Variants in RASGEF1C observed in about 807,000 individuals in gnomAD.
The protein encoded by RASGEF1C is RasGEF domain family member 1C.
Under a neutral mutation model 58.1 loss-of-function variants are expected in RASGEF1C, and 27 were observed. That is an observed-to-expected ratio of 0.46 (90% CI 0.34 to 0.64). RASGEF1C has a LOEUF of 0.64. RASGEF1C is among the 30% of genes least tolerant of loss of function. The pLI is 0.01. For synonymous variants in RASGEF1C, 243 were observed against 246.3 expected (o/e 0.99, Z 0.13); for missense variants, 502 against 605.1 (o/e 0.83, Z 1.79).
In RASGEF1C at chr5:180,181,723, C is replaced by T. The variant is rs1021632745; in HGVS notation, c.-7+27305G>A. 4.6e-5 allele frequency among the ~76,000 whole-genome samples: 7 copies of T among 152,332 alleles called. No homozygotes were observed. The South Asian group carries it at 8.3e-4, about 18-fold the overall frequency. On this transcript the variant is annotated intron_variant, in intron 1 of 13. Coordinates refer to ENST00000361132, the MANE Select transcript of RASGEF1C (RefSeq NM_175062.4). ...ATCCAGAACTCCAAATGAGAGAACA[C>T]ATTTCCGTTGTTTTAAGCCATCCCA...
At position 180,186,101 on chromosome 5, in the gene RASGEF1C, G is replaced by GAAAAAAAAAAA. The variant is rs35778456; in HGVS notation, c.-7+22916_-7+22926dup. ...GACAGAGCCAGGCCCTATCTCCACA[G>GAAAAAAAAAAA]AAAAAAAAAAAAAAAAAAAAAAGAC... On this transcript the variant is annotated intron_variant, in intron 1 of 13. Transcript: ENST00000361132. 4.9e-5 allele frequency among the ~76,000 whole-genome samples: 4 copies of GAAAAAAAAAAA among 81,140 alleles called. 1 individual carries two copies. 53.2% of individuals were successfully genotyped at this position (81,140 alleles called of 152,430 possible).
Position 180,143,285 on chromosome 5 carries a change from G to A in RASGEF1C, c.-6-5227C>T, listed in dbSNP as rs1389952735. 1.3e-5 allele frequency among the ~76,000 whole-genome samples: 2 copies of A among 152,212 alleles called. No homozygotes were observed. The highest frequency in any genetic ancestry group is 2.9e-5 in the Non-Finnish European group (2 of 68,036). On this transcript the variant is annotated intron_variant, in intron 1 of 13. Transcript: ENST00000361132. The surrounding 1 kb of genome is among the most constrained non-coding windows in gnomAD (Gnocchi z 4.3). Reference sequence around the variant, plus strand: ...CTCAGGGCCCACCCTGCTCCAGGCCGCTGGCGCTGGCAAAGTTTCTGGGAC... The same window carrying A: ...CTCAGGGCCCACCCTGCTCCAGGCCACTGGCGCTGGCAAAGTTTCTGGGAC...
intron 1 of RASGEF1C, among the ~76,000 whole-genome samples, chr5:180,150,472 A>T (rs868291053): frequency 1.5e-4 from 23 of 152,140 alleles, no homozygotes; most frequent in Middle Eastern, 3.4e-3. Context: ...AAAACTGGAC[A>T]TTTGACTCTT....
intron 1 of RASGEF1C, among the ~76,000 whole-genome samples, chr5:180,145,427 A>G (rs1766649178): frequency 2.0e-5 from 3 of 152,192 alleles, no homozygotes; most frequent in African/African-American, 7.2e-5. Context: ...GGCCCGCTGC[A>G]CCATTTAAAA....
At chr5:180,120,746 C>T (rs1226113587) in intron 7 of RASGEF1C, among the ~76,000 whole-genome samples, 1 of 152,190 alleles carries the variant, frequency 6.6e-6, no homozygotes, top group Non-Finnish European at 1.5e-5. Flanking sequence ...GCCAGGCTGC[C>T]CAAGGCAGGC....
intron 1 of RASGEF1C, among the ~76,000 whole-genome samples, chr5:180,149,088 C>CTTTTTTTTTTTTTTTTTTTTTTTT (rs61204210): frequency 3.6e-5 from 4 of 110,174 alleles, no homozygotes; most frequent in African/African-American, 1.0e-4. Context: ...CTTTTTTTTT[C>CTTTTTTTTTTTTTTTTTTTTTTTT]TTTTTTTTTT....
At position 180,155,406 on chromosome 5, in the gene RASGEF1C, C is replaced by T. The variant is rs1766832938; in HGVS notation, c.-6-17348G>A. Reference sequence around the variant, plus strand: ...AACTGCAGCCTCCCTAGGCCGAGCCCAGATCTGCTTGCGGAGGCTGAGAAT... The same window carrying T: ...AACTGCAGCCTCCCTAGGCCGAGCCTAGATCTGCTTGCGGAGGCTGAGAAT... On this transcript the variant is annotated intron_variant, in intron 1 of 13. Transcript: ENST00000361132. This position sits in a 1 kb window ranked among gnomAD's most constrained non-coding sequence, Gnocchi z 5.2. Among the ~76,000 whole-genome samples, 1 of 152,158 alleles carries T rather than the reference C, an allele frequency of 6.6e-6. No individual in the cohort carries two copies. The highest frequency in any genetic ancestry group is 2.4e-5 in the African/African-American group (1 of 41,440).
intron 1 of RASGEF1C, among the ~76,000 whole-genome samples, chr5:180,157,969 G>A (rs770729604): frequency 6.6e-6 from 1 of 152,220 alleles, no homozygotes; most frequent in Non-Finnish European, 1.5e-5. Context: ...GGGTAATAAT[G>A]ATGTAGCAAT....
At chr5:180,124,690 G>C (rs1263723939) in intron 6 of RASGEF1C, among the ~76,000 whole-genome samples, 2 of 152,178 alleles carry the variant, frequency 1.3e-5, no homozygotes, top group African/African-American at 2.4e-5. Flanking sequence ...TGAGCTTGGT[G>C]GTGGGCACCT....
chr5:180,125,918 C>G (rs2113262813), intron 6 of RASGEF1C, among the ~76,000 whole-genome samples: 1 of 152,082 alleles, frequency 6.6e-6, no homozygotes, highest in African/African-American at 2.4e-5. Flanking sequence ...GAACGGACAC[C>G]CTACAGAAAG....
In RASGEF1C at chr5:180,114,456, A is replaced by T; in HGVS notation, c.1169T>A (p.Val390Asp). The T allele has an allele frequency of 6.2e-7, 1 of 1,612,538 alleles. No homozygotes were observed. Among genetic ancestry groups the T allele is most frequent in the South Asian group, 1.1e-5 (1 of 90,952 alleles). The change falls in exon 11 of 14, where the codon GTC becomes GAC. Residue 390 changes from valine to aspartate, a missense_variant. Val to Asp is a radical substitution (Grantham distance 152, BLOSUM62 -3). Transcript: ENST00000361132. ...ACACGGAGGTCCTACCTCAAAGTTG[A>T]CGTGTCCATTGGGAAGGCGGTTGGC... ...GCANRLPNGH[V>D]NFEKFLELAK...
intron 10 of RASGEF1C, among the ~76,000 whole-genome samples, chr5:180,116,184 G>A (rs1381091098): frequency 6.6e-6 from 1 of 152,030 alleles, no homozygotes; most frequent in Non-Finnish European, 1.5e-5. Flanking sequence ...CCCTGCCCTC[G>A]CAGCAGCCAA....
chr5:180,191,631 C>T (rs1216430856), intron 1 of RASGEF1C, among the ~76,000 whole-genome samples: 5 of 152,236 alleles, frequency 3.3e-5, no homozygotes, highest in Non-Finnish European at 5.9e-5. Flanking sequence ...GCTGGGATTA[C>T]AGGCGTGAGC....
chr5:180,127,787 AGTCACT>A, intron 5 of RASGEF1C, 104 bp from the exon 6 acceptor site: 1 of 1,056,464 alleles, frequency 9.5e-7, no homozygotes, highest in Non-Finnish European at 1.4e-6. Context: ...TCCTCACAAC[AGTCACT>A]CTGCAACTGC....
At chr5:180,151,145 G>A (rs970857480) in intron 1 of RASGEF1C, among the ~76,000 whole-genome samples, 1 of 152,060 alleles carries the variant, frequency 6.6e-6, no homozygotes. Context: ...TACTGCCCAA[G>A]GTAATTTATA....
At position 180,143,938 on chromosome 5, in the gene RASGEF1C, CAG is replaced by C. The variant is rs1329223024; in HGVS notation, c.-6-5882_-6-5881del. On this transcript the variant is annotated intron_variant, in intron 1 of 13. Transcript: ENST00000361132. The surrounding 1 kb of genome is among the most constrained non-coding windows in gnomAD (Gnocchi z 4.3). ...CCTGGGCCAGGTGTGGCAGAAGGGA[CAG>C]AGGTAAAGAAGGCTCCCGAAGGCCC... 1.3e-5 allele frequency among the ~76,000 whole-genome samples: 2 copies of C among 152,124 alleles called. No homozygotes were observed. The highest frequency in any genetic ancestry group is 4.8e-5 in the African/African-American group (2 of 41,428).
chr5:180,177,122 A>G lies in RASGEF1C; in HGVS notation c.-7+31906T>C, dbSNP rs2113318702. Among the ~76,000 whole-genome samples, 1 of 151,642 alleles carries G rather than the reference A, an allele frequency of 6.6e-6. No individual in the cohort carries two copies. Among genetic ancestry groups the G allele is most frequent in the South Asian group, 2.1e-4 (1 of 4,778 alleles). On this transcript the variant is annotated intron_variant, in intron 1 of 13. Transcript: ENST00000361132. This position sits in a 1 kb window ranked among gnomAD's most constrained non-coding sequence, Gnocchi z 5.0. ...GAGGAGGACCAGGGTGAGAGGTGAG[A>G]CTCTCAGAGCCTGACGGAGGGGCTG...
intron 1 of RASGEF1C, among the ~76,000 whole-genome samples, chr5:180,194,080 T>C (rs1581129913): frequency 6.6e-6 from 1 of 151,656 alleles, no homozygotes; most frequent in Non-Finnish European, 1.5e-5. Context: ...GAAAGTCCAC[T>C]GGGCCTGGAT....
chr5:180,170,715 G>C (rs754042709), intron 1 of RASGEF1C, among the ~76,000 whole-genome samples: 57 of 152,190 alleles, frequency 3.7e-4, no homozygotes, highest in Non-Finnish European at 5.4e-4. Flanking sequence ...GTCCTGCATG[G>C]GGCCACCAGA....
Sources: allele counts gnomAD v4.1 joint callset (sites outside exome capture counted in the v4.1 genomes callset), GRCh38; gene constraint gnomAD v4.1.1; non-coding constraint Gnocchi (gnomAD v3.1); transcripts MANE v1.5; gene names NCBI Gene and HGNC (gene_info 2026-07-23, HGNC 2026-07-21).